Variants in ANO2 observed in about 807,000 individuals in gnomAD.
ANO2 encodes anoctamin 2, also known as anoctamin-2.
A neutral mutation model predicts 124.2 loss-of-function variants in ANO2; 101 were observed. The observed-to-expected ratio is 0.81, with a 90% CI of 0.69 to 0.96. ANO2 has a LOEUF of 0.96. ANO2 is among the 40% of genes least tolerant of loss of function. The pLI, the probability that ANO2 is intolerant of heterozygous loss-of-function variation, is 0.00. For synonymous variants in ANO2, 486 were observed against 482.5 expected (o/e 1.01, Z -0.09); for missense variants, 1,293 against 1,274.5 (o/e 1.01, Z -0.22).
intron 19 of ANO2, among the ~76,000 whole-genome samples, chr12:5,602,009 T>A (rs1943964436): frequency 6.6e-6 from 1 of 152,132 alleles, no homozygotes; most frequent in African/African-American, 2.4e-5. Flanking sequence ...AAGCTCTGCT[T>A]AAGGAACAGT....
chr12:5,861,263 T>C (rs928493532), intron 3 of ANO2, among the ~76,000 whole-genome samples: 1 of 151,934 alleles, frequency 6.6e-6, no homozygotes, highest in East Asian at 1.9e-4. Flanking sequence ...CTGCCAACCA[T>C]CCACGGCAAT....
At chr12:5,629,457 TCCTGACC>T (rs1264532936) in intron 16 of ANO2, among the ~76,000 whole-genome samples, 1 of 151,906 alleles carries the variant, frequency 6.6e-6, no homozygotes, top group Admixed American at 6.6e-5. Flanking sequence ...CCCCACTGGG[TCCTGACC>T]TGAGGAGGAA....
chr12:5,868,449 T>C (rs1211072114), intron 3 of ANO2, among the ~76,000 whole-genome samples: 2 of 152,062 alleles, frequency 1.3e-5, no homozygotes, highest in Admixed American at 6.5e-5. Context: ...CTGGAAGCAA[T>C]AGTGACCTCA....
At chr12:5,694,995 A>T (rs993043478) in intron 14 of ANO2, among the ~76,000 whole-genome samples, 1 of 152,194 alleles carries the variant, frequency 6.6e-6, no homozygotes, top group South Asian at 2.1e-4. Context: ...AAAACCACTC[A>T]GAACCGTGTC....
At chr12:5,728,575 T>C (rs1950526662) in intron 14 of ANO2, among the ~76,000 whole-genome samples, 1 of 152,286 alleles carries the variant, frequency 6.6e-6, no homozygotes, top group African/African-American at 2.4e-5. Flanking sequence ...CCAAAATTAG[T>C]CTATAGATTC....
At chr12:5,916,733 AAAC>A (rs1469647929) in intron 3 of ANO2, among the ~76,000 whole-genome samples, 4 of 85,228 alleles carry the variant, frequency 4.7e-5, no homozygotes, top group Admixed American at 1.5e-4. Flanking sequence ...TTAAAAAAAA[AAAC>A]AAAACACTGT....
chr12:5,895,449 C>T (rs547519267), intron 3 of ANO2, among the ~76,000 whole-genome samples: 1 of 152,036 alleles, frequency 6.6e-6, no homozygotes, highest in Non-Finnish European at 1.5e-5. Context: ...GAGACATACT[C>T]CATCACATAA....
intron 10 of ANO2, among the ~76,000 whole-genome samples, chr12:5,752,832 T>C (rs1004455884): frequency 2.6e-5 from 4 of 152,212 alleles, no homozygotes; most frequent in Non-Finnish European, 5.9e-5. Context: ...TTTTAAGAGT[T>C]CTATTGTTTC....
chr12:5,583,896 A>G (rs972691183), intron 20 of ANO2: 13 of 211,408 alleles, frequency 6.1e-5, no homozygotes, highest in African/African-American at 3.1e-4. Flanking sequence ...CAAGAGCACC[A>G]TGGTCAACCT....
chr12:5,635,536 C>T lies in ANO2; in HGVS notation c.1621-189G>A, dbSNP rs1945968740. The stretch of plus-strand genomic sequence containing the variant: ...GGGTAACAAATTTTTAGGCAGAGTT[C>T]TGAGTGGAGGTGCATTTTCCAGGGG... On this transcript the variant is annotated intron_variant, in intron 15 of 24. Coordinates refer to ENST00000682330, the MANE Select transcript of ANO2 (RefSeq NM_001364791.2). This position sits in a 1 kb window ranked among gnomAD's most constrained non-coding sequence, Gnocchi z 5.2. 6.6e-6 allele frequency among the ~76,000 whole-genome samples: 1 copy of T among 151,576 alleles called. No homozygotes were observed. The highest frequency in any genetic ancestry group is 2.1e-4 in the South Asian group (1 of 4,794).
chr12:5,812,204 AAAAGGGAAGG>A (rs1179863426), intron 7 of ANO2, among the ~76,000 whole-genome samples: 1 of 134,774 alleles, frequency 7.4e-6, no homozygotes, highest in Non-Finnish European at 1.6e-5. Context: ...GGGAGGGAAG[AAAAGGGAAGG>A]AAAGGGAAGG....
chr12:5,594,203 A>G (rs1244928322), intron 20 of ANO2, among the ~76,000 whole-genome samples: 4 of 152,230 alleles, frequency 2.6e-5, no homozygotes, highest in African/African-American at 9.6e-5. Context: ...GACTCAATCA[A>G]TATCAGGAAC....
chr12:5,894,123 T>C (rs1048817921), intron 3 of ANO2, among the ~76,000 whole-genome samples: 5 of 152,216 alleles, frequency 3.3e-5, no homozygotes, highest in Non-Finnish European at 5.9e-5. Flanking sequence ...AAAGTGTTCC[T>C]ATTCCTCCAC....
rs374528825 is a variant in ANO2, at chr12:5,807,313, G to A, written c.948C>T (p.Asp316=). The part of the protein sequence containing the change: ...NIYEAAYPLH[D]GEYDSPEDDM... ...GCACGCTGATGAAAATAGTACTTACGTCATGAAGAGGGTAGGCAGCCTCAT... is the reference window on the plus strand; with the variant it reads ...GCACGCTGATGAAAATAGTACTTACATCATGAAGAGGGTAGGCAGCCTCAT... Residue 316 remains aspartate, a splice_region_variant and synonymous_variant, in exon 8 of 25, where the codon GAC becomes GAT. Coordinates refer to ENST00000682330, the MANE Select transcript of ANO2 (RefSeq NM_001364791.2). 6.1e-5 allele frequency: 95 copies of A among 1,552,970 alleles called. No individual in the cohort carries two copies. The African/African-American group carries it at 1.0e-3, about 16-fold the overall frequency.
At chr12:5,621,951 G>A (rs949269924) in intron 16 of ANO2, among the ~76,000 whole-genome samples, 2 of 152,028 alleles carry the variant, frequency 1.3e-5, no homozygotes, top group African/African-American at 4.8e-5. Flanking sequence ...TTTTCAATAG[G>A]AATTTGAGCC....
At chr12:5,888,883 C>T (rs190609886) in intron 3 of ANO2, among the ~76,000 whole-genome samples, 6 of 152,240 alleles carry the variant, frequency 3.9e-5, no homozygotes, top group African/African-American at 4.8e-5. Flanking sequence ...GCCAGTCCCA[C>T]GCCGTGCGCC....
At chr12:5,854,398 C>CAA (rs56030072) in intron 3 of ANO2, among the ~76,000 whole-genome samples, 6,493 of 74,862 alleles carry the variant, frequency 0.087, 763 homozygotes, top group African/African-American at 0.17. Context: ...AGCTTCAGAG[C>CAA]AAAAAAAAAA....
At chr12:5,711,017 G>A (rs1292122394) in intron 14 of ANO2, among the ~76,000 whole-genome samples, 1 of 152,046 alleles carries the variant, frequency 6.6e-6, no homozygotes, top group African/African-American at 2.4e-5. Flanking sequence ...AATTAGCCGG[G>A]CGTGGTGGCA....
At chr12:5,800,707 G>C (rs748072072) in intron 9 of ANO2, among the ~76,000 whole-genome samples, 2 of 152,184 alleles carry the variant, frequency 1.3e-5, no homozygotes, top group Admixed American at 6.5e-5. Flanking sequence ...GGTTAGTGGG[G>C]GTGAAATTAA....
Sources: allele counts gnomAD v4.1 joint callset (sites outside exome capture counted in the v4.1 genomes callset), GRCh38; gene constraint gnomAD v4.1.1; non-coding constraint Gnocchi (gnomAD v3.1); transcripts MANE v1.5; gene names NCBI Gene and HGNC (gene_info 2026-07-23, HGNC 2026-07-21).